Variants in PLD1 observed in about 807,000 individuals in gnomAD.
The protein encoded by PLD1 is phospholipase D1.
PLD1 carries 112 observed loss-of-function variants against 137.1 expected under a neutral mutation model. The observed-to-expected ratio is 0.82, with a 90% CI of 0.70 to 0.96. The LOEUF is 0.96. PLD1 is among the 40% of genes least tolerant of loss of function. PLD1 has a pLI of 0.00. For synonymous variants in PLD1, 431 were observed against 454.7 expected, an observed-to-expected ratio of 0.95 and a Z score of 0.66; for missense variants, 1,321 against 1,342.0, an observed-to-expected ratio of 0.98 and a Z score of 0.24.
intron 1 of PLD1, among the ~76,000 whole-genome samples, chr3:171,762,119 C>T (rs539433133): frequency 1.3e-5 from 2 of 152,316 alleles, no homozygotes; most frequent in East Asian, 1.9e-4. Flanking sequence ...TCAACCTTGT[C>T]CAACAGACGA....
intron 21 of PLD1, among the ~76,000 whole-genome samples, 166 bp downstream of exon 21, chr3:171,659,047 A>G (rs891547210): frequency 1.3e-5 from 2 of 152,230 alleles, no homozygotes; most frequent in Admixed American, 6.5e-5. Flanking sequence ...GCAGTCAAAA[A>G]TCTTTAGCAA....
rs71178231 is a variant in PLD1 at position 171,635,965 on chromosome 3, C to CTTTTTTTTTTTTTTTTTTTTT, written c.2593+6854_2593+6874dup. ...ATGGTATGAGGTAGGGGTTCAACTT[C>CTTTTTTTTTTTTTTTTTTTTT]TTTTTTTTTTTTTTTTTTTTTTTTT... On this transcript the variant is annotated intron_variant, in intron 23 of 26. Coordinates refer to ENST00000351298, the MANE Select transcript of PLD1 (RefSeq NM_002662.5). Among the ~76,000 whole-genome samples, 26 of 49,286 alleles carry CTTTTTTTTTTTTTTTTTTTTT rather than the reference C, an allele frequency of 5.3e-4. 1 individual carries two copies. Among genetic ancestry groups the CTTTTTTTTTTTTTTTTTTTTT allele is most frequent in the Admixed American group, 1.6e-3 (6 of 3,850 alleles). 32.3% of individuals were successfully genotyped at this position (49,286 alleles called of 152,430 possible).
At chr3:171,778,153 A>G (rs1263266918) in intron 1 of PLD1, among the ~76,000 whole-genome samples, 1 of 152,214 alleles carries the variant, frequency 6.6e-6, no homozygotes, top group African/African-American at 2.4e-5. Flanking sequence ...ACTAGACTCA[A>G]TATCTTATTT....
At chr3:171,787,063 A>G (rs1435733376) in intron 1 of PLD1, among the ~76,000 whole-genome samples, 1 of 152,186 alleles carries the variant, frequency 6.6e-6, no homozygotes, top group Non-Finnish European at 1.5e-5. Context: ...GTTCATATCT[A>G]CAGTAGAGTG....
chr3:171,688,613 T>C, intron 14 of PLD1, 63 bp downstream of exon 14: 1 of 1,228,010 alleles, frequency 8.1e-7, no homozygotes, highest in Non-Finnish European at 1.2e-6. Flanking sequence ...GTCATGCTAC[T>C]AATACAAACT....
rs148054853 is a variant in PLD1, at chr3:171,741,883, C to T, written c.-31-3801G>A. 3.1e-3 allele frequency among the ~76,000 whole-genome samples: 475 copies of T among 152,194 alleles called. 4 individuals are homozygous for T. Among genetic ancestry groups the T allele is most frequent in the African/African-American group, 0.011 (451 of 41,502 alleles). ...GATAAACATTGCCTTAGCCAAAATA[C>T]AATAATAATATCAACTATAATTATT... On this transcript the variant is annotated intron_variant, in intron 1 of 26. Coordinates refer to ENST00000351298, the MANE Select transcript of PLD1 (RefSeq NM_002662.5).
At chr3:171,788,674 T>A (rs1464315414) in intron 1 of PLD1, 1 of 152,354 alleles carries the variant, frequency 6.6e-6, no homozygotes, top group Non-Finnish European at 1.5e-5. Flanking sequence ...GTCAAGATGA[T>A]GACGAAACTC....
At chr3:171,719,042 G>GTCTCT (rs991552655) in intron 8 of PLD1, among the ~76,000 whole-genome samples, 21 of 152,200 alleles carry the variant, frequency 1.4e-4, no homozygotes, top group African/African-American at 4.8e-4. Context: ...ATCTACTATT[G>GTCTCT]TCTCTCACAA....
At chr3:171,673,407 G>A (rs533929062) in intron 19 of PLD1, among the ~76,000 whole-genome samples, 29 of 151,624 alleles carry the variant, frequency 1.9e-4, no homozygotes, top group African/African-American at 6.1e-4. Context: ...TCAGCCTCCC[G>A]AGTAGCTAGG....
intron 1 of PLD1, among the ~76,000 whole-genome samples, chr3:171,800,888 A>G (rs4894771): frequency 0.87 from 131,740 of 152,148 alleles, 57,327 homozygotes; most frequent in Middle Eastern, 0.95. Flanking sequence ...TCTCATTGAT[A>G]AGGGCAGAGC....
rs1421907668 is a variant in PLD1 at position 171,620,759 on chromosome 3, TA to T, written c.2594-240del. Among the ~76,000 whole-genome samples, 1,323 of 137,732 alleles carry T rather than the reference TA, an allele frequency of 9.6e-3. 20 individuals carry two copies. Among genetic ancestry groups the T allele is most frequent in the African/African-American group, 0.033 (1,110 of 33,574 alleles). The allele number at this position is 137,732 out of a possible 152,430, so 90.4% of individuals were successfully genotyped here. A position where few individuals can be genotyped will look rare whatever the true frequency, so the allele number is the denominator to read the frequency against. On this transcript the variant is annotated intron_variant, in intron 23 of 26. Coordinates refer to ENST00000351298, the MANE Select transcript of PLD1 (RefSeq NM_002662.5). Reference sequence around the variant, plus strand: ...CTCTCTCTCTATATATATATATATATATATATATATTATATATATTTTTTTT... The same window carrying T: ...CTCTCTCTCTATATATATATATATATTATATATATTATATATATTTTTTTT...
intron 1 of PLD1, among the ~76,000 whole-genome samples, chr3:171,773,907 C>T (rs1241511985): frequency 1.3e-5 from 2 of 151,670 alleles, no homozygotes; most frequent in Non-Finnish European, 1.5e-5. Context: ...CGCCACCGCA[C>T]CCAGCTAATT....
intron 20 of PLD1, among the ~76,000 whole-genome samples, chr3:171,661,656 G>C (rs561846331): frequency 6.6e-6 from 1 of 152,088 alleles, no homozygotes; most frequent in African/African-American, 2.4e-5. Flanking sequence ...CCAAACCAGT[G>C]GCATCCAGTG....
chr3:171,630,094 A>G (rs1427737844), intron 23 of PLD1, among the ~76,000 whole-genome samples: 2 of 151,872 alleles, frequency 1.3e-5, no homozygotes, highest in African/African-American at 4.8e-5. Flanking sequence ...GAATGGGAGA[A>G]AATTTTCGCA....
At chr3:171,656,368 A>G (rs1308893027) in intron 21 of PLD1, among the ~76,000 whole-genome samples, 3 of 151,996 alleles carry the variant, frequency 2.0e-5, no homozygotes, top group Non-Finnish European at 4.4e-5. Flanking sequence ...ACAGAGTTTC[A>G]CCACACTGGT....
rs551180595 is a variant in PLD1 at position 171,799,414 on chromosome 3, G to A, written c.-32+10985C>T. Reference sequence around the variant, plus strand: ...CCTGCAACTAAAACTACTTTCTAAAGTGTTTCTGTGTTTGTGAACTAGCAC... The same window carrying A: ...CCTGCAACTAAAACTACTTTCTAAAATGTTTCTGTGTTTGTGAACTAGCAC... On this transcript the variant is annotated intron_variant, in intron 1 of 26. Coordinates refer to ENST00000351298, the MANE Select transcript of PLD1 (RefSeq NM_002662.5). Among the ~76,000 whole-genome samples the A allele has an allele frequency of 1.5e-3, 213 of 145,920 alleles. 1 individual carries two copies. Among genetic ancestry groups the A allele is most frequent in the African/African-American group, 5.2e-3 (207 of 39,770 alleles).
intron 12 of PLD1, among the ~76,000 whole-genome samples, chr3:171,692,804 A>G (rs755274253): frequency 6.6e-6 from 1 of 152,204 alleles, no homozygotes; most frequent in East Asian, 1.9e-4. Context: ...TACAGGCATG[A>G]GCCACTGCAC....
intron 1 of PLD1, among the ~76,000 whole-genome samples, chr3:171,754,104 A>G (rs1720852009): frequency 6.6e-6 from 1 of 152,124 alleles, no homozygotes; most frequent in Non-Finnish European, 1.5e-5. Flanking sequence ...CATCCAAGTG[A>G]GTTCATTGAG....
chr3:171,680,245 T>TTC (rs1713836494), intron 16 of PLD1, among the ~76,000 whole-genome samples: 1 of 123,796 alleles, frequency 8.1e-6, no homozygotes, highest in Non-Finnish European at 1.6e-5. Flanking sequence ...TCTTCCTCTT[T>TTC]TTTTTTTTTT....
Sources: gnomAD v4.1 joint callset for allele counts (sites outside exome capture counted in the v4.1 genomes callset) on GRCh38, gnomAD v4.1.1 for gene constraint, MANE v1.5 for transcripts, NCBI Gene and HGNC (gene_info 2026-07-23, HGNC 2026-07-21) for gene names.